Variants in AMPH observed in about 807,000 individuals in gnomAD.
AMPH encodes amphiphysin.
AMPH carries 49 observed loss-of-function variants against 99.1 expected under a neutral mutation model. The ratio of observed to expected loss-of-function variants is 0.49; its 90% CI spans 0.39 to 0.63. AMPH has a LOEUF of 0.63. Among genes scored for constraint, AMPH ranks in the 20% least tolerant of loss-of-function variants. The pLI, the probability that AMPH is intolerant of heterozygous loss-of-function variation, is 0.00. For synonymous variants in AMPH, 314 were observed against 317.3 expected, an observed-to-expected ratio of 0.99 and a Z score of 0.11; for missense variants, 759 against 863.4, an observed-to-expected ratio of 0.88 and a Z score of 1.52.
chr7:38,426,808 T>C (rs1196841067), intron 15 of AMPH, 146 bp downstream of exon 15: 1 of 648,424 alleles, frequency 1.5e-6, no homozygotes, highest in Non-Finnish European at 2.7e-6. Flanking sequence ...CTGTTTCCAT[T>C]ACTCAGTCTG....
chr7:38,542,637 T>C (rs901232850), intron 1 of AMPH, among the ~76,000 whole-genome samples: 1 of 152,170 alleles, frequency 6.6e-6, no homozygotes, highest in African/African-American at 2.4e-5. Context: ...CAGGCAGTTT[T>C]CATGTCAGTC....
intron 11 of AMPH, among the ~76,000 whole-genome samples, chr7:38,452,742 A>G (rs1237308224): frequency 6.6e-6 from 1 of 152,238 alleles, no homozygotes; most frequent in Non-Finnish European, 1.5e-5. Flanking sequence ...AACTTTAAAC[A>G]GTGGCTCCCA....
At chr7:38,494,395 G>T in intron 4 of AMPH, 38 bp downstream of exon 4, 1 of 1,555,414 alleles carries the variant, frequency 6.4e-7, no homozygotes, top group Non-Finnish European at 8.9e-7. Flanking sequence ...ACTGAGCAAG[G>T]GTCGTGGGAG....
intron 11 of AMPH, among the ~76,000 whole-genome samples, chr7:38,460,883 T>C (rs992949318): frequency 6.6e-6 from 1 of 152,178 alleles, no homozygotes; most frequent in East Asian, 1.9e-4. Context: ...TGCATAGAAA[T>C]GATAAATGCT....
chr7:38,512,640 T>C (rs1166306675), intron 2 of AMPH, among the ~76,000 whole-genome samples: 1 of 152,104 alleles, frequency 6.6e-6, no homozygotes, highest in Non-Finnish European at 1.5e-5. Context: ...AGAAATAACA[T>C]GAAGAGCTTC....
intron 1 of AMPH, among the ~76,000 whole-genome samples, chr7:38,597,621 T>G (rs1219337596): frequency 6.6e-6 from 1 of 152,090 alleles, no homozygotes; most frequent in Non-Finnish European, 1.5e-5. Flanking sequence ...TTTTATCAAC[T>G]CTCACAAGCA....
intron 17 of AMPH, among the ~76,000 whole-genome samples, chr7:38,400,292 G>T (rs989933271): frequency 2.0e-5 from 3 of 152,136 alleles, no homozygotes; most frequent in Admixed American, 2.0e-4. Flanking sequence ...TGGCCAGGCT[G>T]GTCTTGAATT....
intron 1 of AMPH, among the ~76,000 whole-genome samples, chr7:38,551,427 G>A (rs1467854256): frequency 6.6e-6 from 1 of 152,162 alleles, no homozygotes; most frequent in Non-Finnish European, 1.5e-5. Context: ...TACAGTTGAA[G>A]TAAATGCAGG....
rs1236649033 is a variant in AMPH at position 38,571,167 on chromosome 7, ATATATTTT to A, written c.70-36164_70-36157del. Among the ~76,000 whole-genome samples the A allele has an allele frequency of 1.3e-4, 12 of 95,386 alleles. No individual in the cohort carries two copies. The East Asian group carries it at 1.4e-3, about 11-fold the overall frequency. 62.6% of individuals were successfully genotyped at this position (95,386 alleles called of 152,430 possible). Reference sequence around the variant, plus strand: ...TATATTTATGAATATATATATTTTTATATATTTTTATATATGAATATATATATTTATAT... The same window carrying A: ...TATATTTATGAATATATATATTTTTATATATATGAATATATATATTTATAT... On this transcript the variant is annotated intron_variant, in intron 1 of 20. Transcript: ENST00000356264.
intron 17 of AMPH, among the ~76,000 whole-genome samples, chr7:38,397,083 C>T (rs1015697001): frequency 6.6e-6 from 1 of 152,202 alleles, no homozygotes; most frequent in African/African-American, 2.4e-5. Flanking sequence ...TATGGACAAA[C>T]AGAGCAGCAG....
intron 1 of AMPH, among the ~76,000 whole-genome samples, chr7:38,594,833 A>T (rs994056461): frequency 1.1e-4 from 16 of 152,168 alleles, no homozygotes; most frequent in Admixed American, 1.0e-3. Flanking sequence ...ATTATTTCTA[A>T]ATTTTTAAGC....
chr7:38,544,935 T>C (rs1471601152), intron 1 of AMPH, among the ~76,000 whole-genome samples: 1 of 152,224 alleles, frequency 6.6e-6, no homozygotes, highest in African/African-American at 2.4e-5. Context: ...TTCTTACGTG[T>C]TTGGCCAAGC....
chr7:38,497,366 C>A (rs16879852), intron 3 of AMPH, among the ~76,000 whole-genome samples: 5,546 of 152,152 alleles, frequency 0.036, 203 homozygotes, highest in South Asian at 0.2. Context: ...AACTGTAAGA[C>A]AAATGCCCAG....
At chr7:38,394,741 G>C (rs1562724537) in intron 17 of AMPH, among the ~76,000 whole-genome samples, 1 of 152,184 alleles carries the variant, frequency 6.6e-6, no homozygotes, top group East Asian at 1.9e-4. Flanking sequence ...GAACTACAGA[G>C]CATGAGATGA....
intron 1 of AMPH, among the ~76,000 whole-genome samples, chr7:38,624,740 G>A (rs1037356332): frequency 4.6e-5 from 7 of 151,898 alleles, no homozygotes; most frequent in Non-Finnish European, 8.8e-5. Flanking sequence ...AAGGCATTTC[G>A]TTAAACATGG....
Position 38,441,744 on chromosome 7 carries a change from A to T in AMPH, c.1018-5356T>A, listed in dbSNP as rs180749970. On this transcript the variant is annotated intron_variant, in intron 11 of 20. Coordinates refer to ENST00000356264, the MANE Select transcript of AMPH (RefSeq NM_001635.4). ...ATAAAGAAAATGATATATATGACAGATATATCATATATATATCATATATAT... is the reference window on the plus strand; with the variant it reads ...ATAAAGAAAATGATATATATGACAGTTATATCATATATATATCATATATAT... Among the ~76,000 whole-genome samples the T allele has an allele frequency of 2.1e-3, 302 of 146,426 alleles. 4 individuals are homozygous for T. The highest frequency in any genetic ancestry group is 3.5e-3 in the Non-Finnish European group (235 of 67,158).
chr7:38,407,287 C>CTA (rs1235014134), intron 17 of AMPH, among the ~76,000 whole-genome samples: 4 of 128,074 alleles, frequency 3.1e-5, no homozygotes, highest in Admixed American at 8.5e-5. Context: ...AGCTTTCTAT[C>CTA]TATATAGAGA....
At chr7:38,422,585 T>C in intron 15 of AMPH, 108 bp from the exon 16 acceptor site, 2 of 786,582 alleles carry the variant, frequency 2.5e-6, no homozygotes, top group East Asian at 2.7e-5. Flanking sequence ...TATCTATCTA[T>C]CTATCTATCT....
At chr7:38,409,068 A>G (rs1410608665) in intron 17 of AMPH, among the ~76,000 whole-genome samples, 2 of 152,240 alleles carry the variant, frequency 1.3e-5, no homozygotes, top group Non-Finnish European at 2.9e-5. Flanking sequence ...TAGAAGCAGC[A>G]CTAGAGACAG....
Sources: gnomAD v4.1 joint callset for allele counts (sites outside exome capture counted in the v4.1 genomes callset) on GRCh38, gnomAD v4.1.1 for gene constraint, MANE v1.5 for transcripts, NCBI Gene and HGNC (gene_info 2026-07-23, HGNC 2026-07-21) for gene names.